Variants in PCDH11Y observed in about 807,000 individuals in gnomAD.
PCDH11Y encodes the protein protocadherin 11 Y-linked.
For missense variants in PCDH11Y, 12 were observed against 224.8 expected (o/e 0.05, Z 6.05); for synonymous variants, 9 against 83.6 (o/e 0.11, Z 4.87).
downstream of PCDH11Y, among the ~76,000 whole-genome samples, chrY:5,105,643 AAAAG>A (rs1556397976): frequency 9.4e-5 from 3 of 31,854 alleles, no homozygotes; most frequent in Non-Finnish European, 2.3e-4. Flanking sequence ...AAAAAAAAAA[AAAAG>A]AAAGAAAGAA....
chrY:5,226,478 T>C (rs2124653204), intron 2 of PCDH11Y, among the ~76,000 whole-genome samples: 1 of 25,536 alleles, frequency 3.9e-5, no homozygotes, highest in African/African-American at 1.6e-4. Flanking sequence ...TTTTCTTTGG[T>C]TGCCTGCTCT....
chrY:5,417,492 A>G, intron 2 of PCDH11Y, among the ~76,000 whole-genome samples: 1 of 33,083 alleles, frequency 3.0e-5, no homozygotes, highest in African/African-American at 1.2e-4. Context: ...AGAAGATCAC[A>G]TAGAAGAGGA....
At chrY:5,246,081 TA>T in intron 2 of PCDH11Y, among the ~76,000 whole-genome samples, 1 of 30,754 alleles carries the variant, frequency 3.3e-5, no homozygotes, top group East Asian at 8.6e-4. Flanking sequence ...CGGGGCAATG[TA>T]AAAACACCAA....
chrY:5,622,089 C>A (rs2053500827), intron 4 of PCDH11Y, among the ~76,000 whole-genome samples: 3 of 31,386 alleles, frequency 9.6e-5, no homozygotes, highest in African/African-American at 3.7e-4. Context: ...AACAAACAAA[C>A]AAACAAAAAC....
intron 2 of PCDH11Y, among the ~76,000 whole-genome samples, chrY:5,160,390 C>G: frequency 3.5e-5 from 1 of 28,951 alleles, no homozygotes; most frequent in Admixed American, 3.4e-4. Context: ...ATTAGATTTA[C>G]TATTAATTTA....
intron 2 of PCDH11Y, among the ~76,000 whole-genome samples, chrY:5,478,438 A>G (rs2053322145): frequency 6.1e-5 from 2 of 32,775 alleles, no homozygotes; most frequent in Admixed American, 5.6e-4. Context: ...TTTACTTCCA[A>G]TTGTGTGGTC....
At chrY:5,342,522 C>T (rs2053146578) in intron 2 of PCDH11Y, among the ~76,000 whole-genome samples, 1 of 33,629 alleles carries the variant, frequency 3.0e-5, no homozygotes, top group African/African-American at 1.2e-4. Flanking sequence ...GCAGAGAACA[C>T]GGAAATTAGA....
intron 4 of PCDH11Y, among the ~76,000 whole-genome samples, chrY:5,696,500 A>G (rs2053572598): frequency 3.1e-5 from 1 of 32,078 alleles, no homozygotes; most frequent in African/African-American, 1.2e-4. Flanking sequence ...TGAATATTCT[A>G]TTTTCTTCTT....
At chrY:5,218,972 T>C (rs2052949412) in intron 2 of PCDH11Y, among the ~76,000 whole-genome samples, 1 of 34,257 alleles carries the variant, frequency 2.9e-5, no homozygotes, top group Non-Finnish European at 7.3e-5. Context: ...ACTATTTCTC[T>C]TTATGTCTCT....
At chrY:5,489,512 T>C in intron 2 of PCDH11Y, among the ~76,000 whole-genome samples, 4 of 32,008 alleles carry the variant, frequency 1.2e-4, no homozygotes, top group Non-Finnish European at 2.3e-4. Flanking sequence ...GTAAAATGAA[T>C]ATATTCTTGT....
intron 3 of PCDH11Y, among the ~76,000 whole-genome samples, chrY:5,034,467 C>T: frequency 3.0e-5 from 1 of 32,861 alleles, no homozygotes; most frequent in African/African-American, 1.2e-4. Flanking sequence ...TTTAAGATAA[C>T]TTGAGATAGT....
At chrY:5,491,048 G>C (rs1031197996) in intron 2 of PCDH11Y, among the ~76,000 whole-genome samples, 2,957 of 33,654 alleles carry the variant, frequency 0.088, no homozygotes, top group East Asian at 0.059. Flanking sequence ...GCCTGAAGGT[G>C]TCCTTTGGCA....
At chrY:5,446,884 AGCAGCAGCAGCAGCAGCAGCAGC>A (rs2053288102) in intron 2 of PCDH11Y, among the ~76,000 whole-genome samples, 1 of 32,692 alleles carries the variant, frequency 3.1e-5, no homozygotes, top group Non-Finnish European at 7.5e-5. Context: ...CAGCAGCAAC[AGCAGCAGCAGCAGCAGCAGCAGC>A]GCAGGGAACT....
intron 2 of PCDH11Y, among the ~76,000 whole-genome samples, chrY:5,225,143 TA>T (rs2052958525): frequency 3.3e-5 from 1 of 30,516 alleles, no homozygotes; most frequent in Non-Finnish European, 7.8e-5. Context: ...AATTTTAAGT[TA>T]TTTTAAAATG....
At chrY:5,502,544 T>G in intron 3 of PCDH11Y, among the ~76,000 whole-genome samples, 1 of 31,464 alleles carries the variant, frequency 3.2e-5, no homozygotes, top group Admixed American at 3.0e-4. Flanking sequence ...GTCACTAAAC[T>G]ATCTTTAATT....
chrY:5,420,261 C>G, intron 2 of PCDH11Y, among the ~76,000 whole-genome samples: 1 of 30,793 alleles, frequency 3.2e-5, no homozygotes, highest in Non-Finnish European at 7.8e-5. Flanking sequence ...CTCAAGTACA[C>G]TTAGAACACT....
chrY:5,196,118 C>A, intron 2 of PCDH11Y, among the ~76,000 whole-genome samples: 19 of 33,423 alleles, frequency 5.7e-4, no homozygotes, highest in African/African-American at 2.2e-3. Flanking sequence ...TCTTAAAAAA[C>A]AGTCACCTTA....
At chrY:5,670,243 C>T in intron 4 of PCDH11Y, among the ~76,000 whole-genome samples, 2 of 33,115 alleles carry the variant, frequency 6.0e-5, no homozygotes, top group African/African-American at 2.3e-4. Flanking sequence ...CAAATCTTAG[C>T]TACTGTGAAC....
chrY:5,132,173 A>C, intron 2 of PCDH11Y, among the ~76,000 whole-genome samples: 1 of 31,656 alleles, frequency 3.2e-5, no homozygotes, highest in Non-Finnish European at 7.7e-5. Context: ...CAATTTCATT[A>C]AGATACGATA....
Sources: allele counts gnomAD v4.1 joint callset (sites outside exome capture counted in the v4.1 genomes callset), GRCh38; gene constraint gnomAD v4.1.1; transcripts MANE v1.5; gene names NCBI Gene and HGNC (gene_info 2026-07-23, HGNC 2026-07-21).